Variants in CNTNAP2 observed in about 807,000 individuals in gnomAD.
CNTNAP2 encodes the protein contactin associated protein 2, also known as contactin-associated protein-like 2.
In CNTNAP2, 98 loss-of-function variants were observed where a neutral mutation model predicts 155.2. That is an observed-to-expected ratio of 0.63 (90% CI 0.54 to 0.75). The LOEUF (loss-of-function observed/expected upper bound fraction) is 0.75. Among genes scored for constraint, CNTNAP2 ranks in the 30% least tolerant of loss-of-function variants. The pLI, the probability that CNTNAP2 is intolerant of heterozygous loss-of-function variation, is 0.00. For missense variants in CNTNAP2, 1,727 were observed against 1,688.1 expected (o/e 1.02, Z -0.40); for synonymous variants, 651 against 631.2 (o/e 1.03, Z -0.47).
chr7:148,415,600 A>C lies in CNTNAP2; in HGVS notation c.3980A>C (p.Lys1327Thr). Reference sequence around the variant, plus strand: ...ACAGAGACCATTGATGAAAGCAAAAAGGAATGGCTCATTTGAGGGGTGGCT... The same window carrying C: ...ACAGAGACCATTGATGAAAGCAAAACGGAATGGCTCATTTGAGGGGTGGCT... ...NFTETIDESK[K>T]EWLI Residue 1327 changes from lysine to threonine, a missense_variant, in exon 24 of 24, where the codon AAG (lysine) becomes ACG (threonine). Lys to Thr is a moderately conservative substitution (Grantham distance 78). Transcript: ENST00000361727. 1 of 1,614,202 alleles carries C rather than the reference A, an allele frequency of 6.2e-7. No individual in the cohort carries two copies.
intron 10 of CNTNAP2, among the ~76,000 whole-genome samples, chr7:147,410,695 G>A (rs982801145): frequency 2.0e-5 from 3 of 152,140 alleles, no homozygotes; most frequent in Non-Finnish European, 2.9e-5. Flanking sequence ...TTCTAACTGA[G>A]ACGTGATGTT....
intron 21 of CNTNAP2, among the ~76,000 whole-genome samples, chr7:148,374,256 T>A (rs915797389): frequency 1.3e-5 from 2 of 152,138 alleles, no homozygotes; most frequent in South Asian, 2.1e-4. Context: ...GGAATTATAA[T>A]ACAACTGAGA....
At chr7:146,959,620 T>C (rs1028953539) in intron 3 of CNTNAP2, among the ~76,000 whole-genome samples, 1 of 148,006 alleles carries the variant, frequency 6.8e-6, no homozygotes, top group Admixed American at 7.0e-5. Flanking sequence ...CTTGGGAGGC[T>C]GAGGCAGAAG....
chr7:148,299,396 G>A (rs1585253412), intron 21 of CNTNAP2, among the ~76,000 whole-genome samples: 1 of 152,226 alleles, frequency 6.6e-6, no homozygotes, highest in South Asian at 2.1e-4. Flanking sequence ...AACTAGAGGA[G>A]GGCATTTCGC....
At chr7:146,484,614 C>A (rs932690096) in intron 1 of CNTNAP2, among the ~76,000 whole-genome samples, 2 of 150,102 alleles carry the variant, frequency 1.3e-5, no homozygotes, top group Non-Finnish European at 3.0e-5. Context: ...AAACAAAAAT[C>A]TCTGAAACCG....
At position 146,947,555 on chromosome 7, in the gene CNTNAP2, G is replaced by GTATATATATATA. The variant is rs1483517317; in HGVS notation, c.403-96351_403-96350insATATATATATAT. ...TGTGTGTGTGTGTATGTGTGTGTGT[G>GTATATATATATA]TGTATATATATATATATATACATAT... On this transcript the variant is annotated intron_variant, in intron 3 of 23. Coordinates refer to ENST00000361727, the MANE Select transcript of CNTNAP2 (RefSeq NM_014141.6). 2.3e-4 allele frequency among the ~76,000 whole-genome samples: 9 copies of GTATATATATATA among 39,430 alleles called. No homozygotes were observed. The South Asian group carries it at 3.2e-3, about 14-fold the overall frequency. The allele number at this position is 39,430 out of a possible 152,430, so 25.9% of individuals were successfully genotyped here. A position where few individuals can be genotyped will look rare whatever the true frequency, so the allele number is the denominator to read the frequency against.
intron 3 of CNTNAP2, among the ~76,000 whole-genome samples, chr7:147,021,935 T>C (rs534518559): frequency 3.6e-4 from 55 of 152,308 alleles, no homozygotes; most frequent in African/African-American, 1.2e-3. Flanking sequence ...TATGTATTTA[T>C]AAATATATTT....
In CNTNAP2 at chr7:148,106,493, G is replaced by GATATATATATATAT. The variant is rs10532740; in HGVS notation, c.2384-11611_2384-11598dup. Among the ~76,000 whole-genome samples the GATATATATATATAT allele has an allele frequency of 2.2e-3, 280 of 124,860 alleles. 6 individuals carry two copies. Among genetic ancestry groups the GATATATATATATAT allele is most frequent in the African/African-American group, 9.2e-3 (265 of 28,944 alleles). 81.9% of individuals were successfully genotyped at this position (124,860 alleles called of 152,430 possible). A position where few individuals can be genotyped will look rare whatever the true frequency, so the allele number is the denominator to read the frequency against. On this transcript the variant is annotated intron_variant, in intron 15 of 23. Transcript: ENST00000361727. Reference sequence around the variant, plus strand: ...CACTTCAGTGTACTGCACACTTTGAGATATATATATATATATATATATATA... The same window carrying GATATATATATATAT: ...CACTTCAGTGTACTGCACACTTTGAGATATATATATATATATATATATATATATATATATATATA...
intron 1 of CNTNAP2, among the ~76,000 whole-genome samples, chr7:146,220,645 TAATA>T (rs1194755546): frequency 6.6e-6 from 1 of 152,208 alleles, no homozygotes; most frequent in East Asian, 1.9e-4. Flanking sequence ...GATTGTTATG[TAATA>T]AATGTGGTTA....
chr7:146,543,442 G>C (rs948914018), intron 1 of CNTNAP2, among the ~76,000 whole-genome samples: 2 of 151,848 alleles, frequency 1.3e-5, no homozygotes, highest in Non-Finnish European at 2.9e-5. Flanking sequence ...AGTAAGGATT[G>C]TTTTTCTAGC....
chr7:147,616,403 A>G (rs1024919909), intron 12 of CNTNAP2, among the ~76,000 whole-genome samples: 1 of 152,302 alleles, frequency 6.6e-6, no homozygotes, highest in Admixed American at 6.5e-5. Context: ...GTAAGATAAA[A>G]TCTGAAGACT....
chr7:147,194,064 T>G (rs532433036), intron 8 of CNTNAP2, among the ~76,000 whole-genome samples: 1 of 151,710 alleles, frequency 6.6e-6, no homozygotes, highest in Non-Finnish European at 1.5e-5. Context: ...TGACCCCTCC[T>G]CTAAGTTCCA....
chr7:147,554,177 T>C lies in CNTNAP2; in HGVS notation c.1778-7961T>C, dbSNP rs140977878. ...CTCCTTCTTAGAGTTTTCTATAACCTAATAGTAACCCTGAATAAAATACAA... is the reference window on the plus strand; with the variant it reads ...CTCCTTCTTAGAGTTTTCTATAACCCAATAGTAACCCTGAATAAAATACAA... On this transcript the variant is annotated intron_variant, in intron 11 of 23. Coordinates refer to ENST00000361727, the MANE Select transcript of CNTNAP2 (RefSeq NM_014141.6). 9.2e-5 allele frequency among the ~76,000 whole-genome samples: 14 copies of C among 152,282 alleles called. No individual in the cohort carries two copies. The East Asian group carries it at 2.7e-3, about 29-fold the overall frequency.
chr7:147,310,063 T>C (rs1795094950), intron 9 of CNTNAP2, among the ~76,000 whole-genome samples: 1 of 152,176 alleles, frequency 6.6e-6, no homozygotes, highest in Admixed American at 6.5e-5. Flanking sequence ...AGAAACTGTT[T>C]TTCCACTTGG....
In CNTNAP2 at chr7:146,283,970, A is replaced by G. The variant is rs577433882; in HGVS notation, c.97+166997A>G. ...CAAGAAAATGACAGGGTTGTTATTT[A>G]TACTCCCAATACAAACTCTTTCTTT... On this transcript the variant is annotated intron_variant, in intron 1 of 23. Coordinates refer to ENST00000361727, the MANE Select transcript of CNTNAP2 (RefSeq NM_014141.6). 1.3e-4 allele frequency among the ~76,000 whole-genome samples: 20 copies of G among 152,362 alleles called. No individual in the cohort carries two copies. In the South Asian group the frequency reaches 4.1e-3, roughly 32 times the overall value.
At chr7:147,567,759 G>T (rs142846055) in intron 12 of CNTNAP2, among the ~76,000 whole-genome samples, 2 of 152,094 alleles carry the variant, frequency 1.3e-5, no homozygotes, top group African/African-American at 2.4e-5. Context: ...CAGATGCTAC[G>T]CAAAGTCACT....
intron 3 of CNTNAP2, among the ~76,000 whole-genome samples, chr7:146,955,229 T>C (rs2129228936): frequency 6.6e-6 from 1 of 152,134 alleles, no homozygotes; most frequent in Non-Finnish European, 1.5e-5. Flanking sequence ...TCAGCATTGT[T>C]GCCAAGCATT....
Position 147,733,592 on chromosome 7 carries a change from C to T in CNTNAP2, c.2098+94286C>T, listed in dbSNP as rs532962323. Among the ~76,000 whole-genome samples the T allele has an allele frequency of 3.8e-3, 573 of 152,282 alleles. 5 individuals are homozygous for T. The highest frequency in any genetic ancestry group is 0.013 in the African/African-American group (543 of 41,536). On this transcript the variant is annotated intron_variant, in intron 13 of 23. Transcript: ENST00000361727. ...TTGCTTGATGGGGATGGCATTGAAT[C>T]TATAAATTACCTTGGGCAATATGGC...
intron 1 of CNTNAP2, among the ~76,000 whole-genome samples, chr7:146,357,629 G>C (rs1372600150): frequency 6.6e-6 from 1 of 151,988 alleles, no homozygotes; most frequent in Admixed American, 6.6e-5. Flanking sequence ...TAGAGTTGTA[G>C]GAAAACAAAA....
Sources: allele counts gnomAD v4.1 joint callset (sites outside exome capture counted in the v4.1 genomes callset), GRCh38; gene constraint gnomAD v4.1.1; transcripts MANE v1.5; gene names NCBI Gene and HGNC (gene_info 2026-07-23, HGNC 2026-07-21).